ZPR1: variants seen among roughly 807,000 people sequenced by gnomAD.
ZPR1 encodes the protein ZPR1 zinc finger.
ZPR1 carries 37 observed loss-of-function variants against 59.6 expected under a neutral mutation model. That is an observed-to-expected ratio of 0.62 (90% CI 0.48 to 0.82). The LOEUF is 0.82. ZPR1 is among the 40% of genes least tolerant of loss of function. The pLI is 0.00. For synonymous variants in ZPR1, 191 were observed against 215.2 expected (o/e 0.89, Z 0.99); for missense variants, 527 against 579.9 (o/e 0.91, Z 0.94).
Position 116,785,654 on chromosome 11 carries a change from A to C in ZPR1, c.583-18T>G. ...TCAATGATCTAACAAATGGGAGAAG[A>C]GAGAGTCACTGCAAAAGAAAATCAT... On this transcript the variant is annotated intron_variant, in intron 5 of 13. Transcript: ENST00000227322. 1 of 1,613,966 alleles carries C rather than the reference A, an allele frequency of 6.2e-7. No homozygotes were observed. The highest frequency in any genetic ancestry group is 2.2e-5 in the East Asian group (1 of 44,894).
intron 9 of ZPR1, 111 bp downstream of exon 9, chr11:116,784,267 A>C: frequency 9.0e-7 from 1 of 1,116,718 alleles, no homozygotes; most frequent in Non-Finnish European, 1.3e-6. Flanking sequence ...AAAAAGACCC[A>C]AGCTACTCTA....
intron 3 of ZPR1, 35 bp downstream of exon 3, chr11:116,786,927 AGCTACAT>A (rs1402916898): frequency 1.3e-6 from 2 of 1,519,190 alleles, no homozygotes; most frequent in East Asian, 4.5e-5. Context: ...GTAAGATTCT[AGCTACAT>A]GCGAACAGCC....
At chr11:116,779,118 G>T (rs1265211361) in intron 13 of ZPR1, 59 bp from the exon 14 acceptor site, 1 of 1,593,472 alleles carries the variant, frequency 6.3e-7, no homozygotes, top group African/African-American at 1.3e-5. Flanking sequence ...TCTGCAGGCA[G>T]CTTCCAATTC....
chr11:116,783,143 C>G (rs547919878), intron 10 of ZPR1, 114 bp from the exon 11 acceptor site: 2 of 740,442 alleles, frequency 2.7e-6, no homozygotes, highest in African/African-American at 3.5e-5. Flanking sequence ...GCAGCTGTCT[C>G]AGTTTTCTCT....
At chr11:116,783,397 G>T in intron 10 of ZPR1, 133 bp downstream of exon 10, 1 of 730,092 alleles carries the variant, frequency 1.4e-6, no homozygotes, top group South Asian at 1.8e-5. Context: ...CTCTGCTCAG[G>T]GGTCCTCAAA....
In ZPR1 at chr11:116,776,856, G is replaced by A. The variant is rs182397270; in HGVS notation, c.*2069C>T. ...CAAATGATAGATCAGAGGGTTGTCTGGTAAACTTAGATTCCCAAGTCAGCT... is the reference window on the plus strand; with the variant it reads ...CAAATGATAGATCAGAGGGTTGTCTAGTAAACTTAGATTCCCAAGTCAGCT... On this transcript the variant is annotated 3_prime_UTR_variant, in exon 14 of 14. Transcript: ENST00000227322. 17 of 152,324 alleles carry A rather than the reference G, an allele frequency of 1.1e-4. No individual in the cohort carries two copies. The highest frequency in any genetic ancestry group is 3.6e-4 in the African/African-American group (15 of 41,562). 9.4% of individuals were successfully genotyped at this position (152,324 alleles called of 1,614,324 possible).
At chr11:116,779,871 T>G in intron 12 of ZPR1, 34 bp from the exon 13 acceptor site, 1 of 1,225,166 alleles carries the variant, frequency 8.2e-7, no homozygotes, top group Admixed American at 2.3e-5. Context: ...AAGTAAATTT[T>G]ACATAACCCC....
chr11:116,786,377 T>C (rs2134198174), intron 4 of ZPR1, 134 bp downstream of exon 4: 1 of 883,822 alleles, frequency 1.1e-6, no homozygotes, highest in African/African-American at 1.7e-5. Flanking sequence ...TATGCAACAT[T>C]CTAGCAGCTC....
chr11:116,784,503 G>A lies in ZPR1; in HGVS notation c.821-55C>T, dbSNP rs749166530. ...CCAGGCGAACAAGACCACCATCTGG[G>A]GAAAAACAAAGCCAAACCCCACACA... is the stretch of plus-strand genomic sequence containing the variant. On this transcript the variant is annotated intron_variant, in intron 8 of 13. Coordinates refer to ENST00000227322, the MANE Select transcript of ZPR1 (RefSeq NM_003904.5). The A allele has an allele frequency of 3.7e-5, 57 of 1,549,940 alleles. 1 individual carries two copies. The Middle Eastern group carries it at 5.0e-3, about 137-fold the overall frequency.
chr11:116,779,655 C>A, intron 13 of ZPR1, 117 bp downstream of exon 13: 1 of 737,674 alleles, frequency 1.4e-6, no homozygotes. Context: ...ACTTCTGCCT[C>A]CTTGGTAAAA....
intron 13 of ZPR1, 25 bp from the exon 14 acceptor site, chr11:116,779,084 A>C: frequency 6.2e-7 from 1 of 1,612,304 alleles, no homozygotes; most frequent in Non-Finnish European, 8.5e-7. Flanking sequence ...AGAGACAATC[A>C]GTGCCGCTGT....
In ZPR1 at chr11:116,774,701, G is replaced by A. The variant is rs970631968; in HGVS notation, c.*4224C>T. ...GCTTGTGAGACGAGGACGCTGGGCT[G>A]AGAAGATAGGGCTTCACTAGGCGGA... On this transcript the variant is annotated 3_prime_UTR_variant, in exon 14 of 14. Coordinates refer to ENST00000227322, the MANE Select transcript of ZPR1 (RefSeq NM_003904.5). 2.0e-5 allele frequency: 3 copies of A among 152,268 alleles called. No individual in the cohort carries two copies. The highest frequency in any genetic ancestry group is 4.8e-5 in the African/African-American group (2 of 41,442). The allele number at this position is 152,268 out of a possible 1,614,324, so 9.4% of individuals were successfully genotyped here.
chr11:116,782,851 G>C, intron 11 of ZPR1, 68 bp downstream of exon 11: 1 of 1,275,158 alleles, frequency 7.8e-7, no homozygotes, highest in Non-Finnish European at 1.1e-6. Flanking sequence ...GATGTCTGAA[G>C]TCTTCCAGTC....
At chr11:116,783,123 G>A in intron 10 of ZPR1, 94 bp from the exon 11 acceptor site, 1 of 879,908 alleles carries the variant, frequency 1.1e-6, no homozygotes, top group Non-Finnish European at 1.8e-6. Context: ...GTGATAGACT[G>A]CGGACAAGGG....
Position 116,775,035 on chromosome 11 carries a change from G to T in ZPR1, c.*3890C>A. 1 of 152,418 alleles carries T rather than the reference G, an allele frequency of 6.6e-6. No homozygotes were observed. The allele number at this position is 152,418 out of a possible 1,614,324, so 9.4% of individuals were successfully genotyped here. ...GGATCAGATGCCGTGCCAATGGCCT[G>T]CTCTGAGCTTTGGCCTCTCTCTGCA... On this transcript the variant is annotated 3_prime_UTR_variant, in exon 14 of 14. Coordinates refer to ENST00000227322, the MANE Select transcript of ZPR1 (RefSeq NM_003904.5).
chr11:116,786,361 A>G (rs1940886214), intron 4 of ZPR1, 150 bp downstream of exon 4: 2 of 755,594 alleles, frequency 2.6e-6, no homozygotes, highest in African/African-American at 1.8e-5. Context: ...GACAATAATT[A>G]TAACATATGC....
chr11:116,785,356 A>T (rs766476613), intron 6 of ZPR1, among the ~76,000 whole-genome samples, 158 bp downstream of exon 6: 16 of 152,150 alleles, frequency 1.1e-4, no homozygotes, highest in African/African-American at 1.4e-4. Context: ...CTTTCTGTGA[A>T]GTTTACCCAA....
rs754444758 is a variant in ZPR1 at position 116,785,651 on chromosome 11, AAGAG to A, written c.583-19_583-16del. 1.2e-6 allele frequency: 2 copies of A among 1,613,960 alleles called. No individual in the cohort carries two copies. Among genetic ancestry groups the A allele is most frequent in the African/African-American group, 1.3e-5 (1 of 75,030 alleles). Reference sequence around the variant, plus strand: ...TCATCAATGATCTAACAAATGGGAGAAGAGAGAGTCACTGCAAAAGAAAATCATA... The same window carrying A: ...TCATCAATGATCTAACAAATGGGAGAAGAGTCACTGCAAAAGAAAATCATA... On this transcript the variant is annotated splice_polypyrimidine_tract_variant and intron_variant, in intron 5 of 13. Transcript: ENST00000227322.
Position 116,782,256 on chromosome 11 carries a change from G to C in ZPR1, c.1093-12C>G. The C allele has an allele frequency of 6.2e-7, 1 of 1,610,434 alleles. No homozygotes were observed. The highest frequency in any genetic ancestry group is 1.3e-5 in the African/African-American group (1 of 74,940). ...GGATTTTTGGTCACCTGCAATAAAT[G>C]ATAATCCAAACTATGTGAATACTGG... On this transcript the variant is annotated splice_polypyrimidine_tract_variant and intron_variant, in intron 11 of 13. Transcript: ENST00000227322.
Sources: allele counts gnomAD v4.1 joint callset (sites outside exome capture counted in the v4.1 genomes callset), GRCh38; gene constraint gnomAD v4.1.1; transcripts MANE v1.5; gene names NCBI Gene and HGNC (gene_info 2026-07-23, HGNC 2026-07-21).